PRX: variants seen among roughly 807,000 people sequenced by gnomAD.
The protein encoded by PRX is periaxin.
A neutral mutation model predicts 29.6 loss-of-function variants in PRX; 24 were observed. The ratio of observed to expected loss-of-function variants is 0.81; its 90% CI spans 0.59 to 1.14. The LOEUF is 1.14. Ranked by LOEUF, PRX falls within the 50% of genes most tolerant of loss-of-function variation. The pLI is 0.00. For synonymous variants in PRX, 772 were observed against 831.7 expected, an observed-to-expected ratio of 0.93 and a Z score of 1.24; for missense variants, 1,838 against 1,926.4, an observed-to-expected ratio of 0.95 and a Z score of 0.86.
At chr19:40,404,054 T>C (rs1187230696) in intron 4 of PRX, among the ~76,000 whole-genome samples, 192 bp from the exon 5 acceptor site, 1 of 152,138 alleles carries the variant, frequency 6.6e-6, no homozygotes, top group African/African-American at 2.4e-5. Flanking sequence ...TCCTCCCGCC[T>C]CGGCCTCCCA....
Position 40,397,478 on chromosome 19 carries a change from C to G in PRX, c.874G>C (p.Val292Leu). 1 of 1,569,184 alleles carries G rather than the reference C, an allele frequency of 6.4e-7. No individual in the cohort carries two copies. Among genetic ancestry groups the G allele is most frequent in the Non-Finnish European group, 8.6e-7 (1 of 1,159,218 alleles). The part of the protein sequence containing the change: ...AVEAPAVGIQ[V>L]PQVELPALPS... ...AAGGCAGGCAGCTCCACCTGGGGGA[C>G]CTGGATTCCCACGGCTGGGGCCTCC... Residue 292 changes from valine to leucine, a missense_variant, in exon 7 of 7, where the codon GTC becomes CTC. Physicochemically the swap from Val to Leu is conservative, Grantham distance 32 (BLOSUM62 1). This residue lies in a region of PRX where 666 missense variants were observed against 665.0 expected (regional missense o/e 1.00). Transcript: ENST00000324001.
rs2079413649 is a variant in PRX, at chr19:40,394,694, G to C, written c.3658C>G (p.Gln1220Glu). 6.2e-7 allele frequency: 1 copy of C among 1,610,908 alleles called. No homozygotes were observed. The highest frequency in any genetic ancestry group is 1.7e-5 in the Admixed American group (1 of 59,986). Residue 1220 changes from glutamine (Q) to glutamate (E), a missense_variant, in exon 7 of 7, where the codon CAG becomes GAG. Gln to Glu is a conservative substitution (Grantham distance 29, BLOSUM62 2). This residue lies in a region of PRX where 1,143 missense variants were observed against 1,193.0 expected (regional missense o/e 0.96). Coordinates refer to ENST00000324001, the MANE Select transcript of PRX (RefSeq NM_181882.3). The surrounding 1 kb of genome is among the most constrained non-coding windows in gnomAD (Gnocchi z 5.8). ...CTTAGCCCCACGTCCAGCTCAAGCT[G>C]GGGCACTGTCACGGTGGGCATCTTA... Reference protein sequence around the residue: ...VFKMPTVTVPQLELDVGLSRE... With the variant: ...VFKMPTVTVPELELDVGLSRE...
Position 40,396,962 on chromosome 19 carries a change from G to A in PRX, c.1390C>T (p.Arg464Ter), listed in dbSNP as rs574861276. The change falls in exon 7 of 7, where the codon CGA (arginine) becomes TGA (stop). Residue 464 changes from arginine (R) to a stop codon, truncating the protein, a stop_gained. Coordinates refer to ENST00000324001, the MANE Select transcript of PRX (RefSeq NM_181882.3). LOFTEE classifies it low-confidence loss of function (END_TRUNC). ...TTGGGGAGCTCCACCTCTGGGAGTC[G>A]AACCTCTGGAAGGGCTGCCTCGGGC... ...KVPEAALPEV[R>*]LPEVELPKVS... 3.7e-6 allele frequency: 6 copies of A among 1,614,114 alleles called. No homozygotes were observed. The highest frequency in any genetic ancestry group is 1.3e-5 in the African/African-American group (1 of 75,028).
chr19:40,406,745 A>T (rs1307288375), intron 4 of PRX, among the ~76,000 whole-genome samples: 1 of 150,966 alleles, frequency 6.6e-6, no homozygotes, highest in Non-Finnish European at 1.5e-5. Flanking sequence ...GGGAGTTCTC[A>T]GAGGTGGAGA....
chr19:40,400,311 C>T lies in PRX; in HGVS notation c.185-1495G>A, dbSNP rs1452196441. Among the ~76,000 whole-genome samples the T allele has an allele frequency of 1.0e-4, 15 of 146,132 alleles. No individual in the cohort carries two copies. In the East Asian group the frequency reaches 2.5e-3, roughly 25 times the overall value. On this transcript the variant is annotated intron_variant, in intron 5 of 6. Transcript: ENST00000324001. ...CTCTTTTTTTTTTAAGACAAGATCT[C>T]GCCAGGTGCGGTGGCTCATGCCTGT...
chr19:40,401,633 G>A (rs1372985745), intron 5 of PRX, among the ~76,000 whole-genome samples: 1 of 152,094 alleles, frequency 6.6e-6, no homozygotes, highest in Non-Finnish European at 1.5e-5. Context: ...CGTAGACACT[G>A]GCTTCCTCAC....
chr19:40,402,669 G>A (rs1287947786), intron 5 of PRX, among the ~76,000 whole-genome samples: 1 of 151,198 alleles, frequency 6.6e-6, no homozygotes, highest in African/African-American at 2.4e-5. Context: ...CAGCTACTAG[G>A]GAGGCTGAGG....
At chr19:40,405,620 G>C (rs1192158084) in intron 4 of PRX, among the ~76,000 whole-genome samples, 2 of 136,110 alleles carry the variant, frequency 1.5e-5, no homozygotes, top group East Asian at 2.5e-4. Flanking sequence ...TTTATGTGCA[G>C]AATCTCTTTT....
At position 40,408,225 on chromosome 19, in the gene PRX, G is replaced by C; in HGVS notation, c.-167C>G. ...CCGAGGTGCCGCACAGCTGTCTGCA[G>C]GGCTCACGCCCTTCCGTGGGGTTCT... On this transcript the variant is annotated 5_prime_UTR_variant, in exon 3 of 7. Transcript: ENST00000324001. The C allele has an allele frequency of 1.8e-6, 1 of 561,320 alleles. No individual in the cohort carries two copies. The highest frequency in any genetic ancestry group is 3.2e-6 in the Non-Finnish European group (1 of 310,780). The allele number at this position is 561,320 out of a possible 1,614,324, so 34.8% of individuals were successfully genotyped here. A position where few individuals can be genotyped will look rare whatever the true frequency, so the allele number is the denominator to read the frequency against.
At chr19:40,410,621 C>T (rs533194329) in intron 1 of PRX, among the ~76,000 whole-genome samples, 40 of 152,334 alleles carry the variant, frequency 2.6e-4, no homozygotes, top group African/African-American at 9.1e-4. Flanking sequence ...GCCTGTAATC[C>T]CAACACTTTA....
upstream of PRX, among the ~76,000 whole-genome samples, chr19:40,414,413 C>T (rs1387668002): frequency 6.6e-6 from 1 of 152,168 alleles, no homozygotes; most frequent in East Asian, 1.9e-4. Flanking sequence ...CGTGAGCCAC[C>T]GCGTCCAGCT....
In PRX at chr19:40,394,088, G is replaced by A. The variant is rs765667981; in HGVS notation, c.4264C>T (p.Arg1422Trp). The change falls in exon 7 of 7, where the codon CGG becomes TGG. Residue 1422 changes from arginine (R) to tryptophan (W), a missense_variant. Around this residue, in one of 3 missense-constraint regions of PRX, gnomAD observed 1,143 missense variants for 1,193.0 expected, o/e 0.96. Transcript: ENST00000324001. The surrounding 1 kb of genome is among the most constrained non-coding windows in gnomAD (Gnocchi z 5.8). ...TCTTCCTGGTCCCCACTCCCACTCCGGGCCTTGGGGCTTAGGGACACCCTG... is the reference window on the plus strand; with the variant it reads ...TCTTCCTGGTCCCCACTCCCACTCCAGGCCTTGGGGCTTAGGGACACCCTG... ...FPRVSLSPKA[R>W]SGSGDQEEGG... 1.7e-5 allele frequency: 28 copies of A among 1,610,816 alleles called. 1 individual carries two copies. The South Asian group carries it at 1.9e-4, about 11-fold the overall frequency.
At position 40,394,017 on chromosome 19, in the gene PRX, T is replaced by C. The variant is rs757627373; in HGVS notation, c.4335A>G (p.Thr1445=). The C allele has an allele frequency of 6.2e-7, 1 of 1,613,572 alleles. No individual in the cohort carries two copies. Among genetic ancestry groups the C allele is most frequent in the South Asian group, 1.1e-5 (1 of 91,066 alleles). The change falls in exon 7 of 7, where the codon ACA becomes ACG. Residue 1445 remains threonine (T), a synonymous_variant. Transcript: ENST00000324001. This position sits in a 1 kb window ranked among gnomAD's most constrained non-coding sequence, Gnocchi z 5.8. ...CCATCCTGGCCGGGCCTGGAGCCCC[T>C]GTCTCTGAAAACCCCACGCTGGGCA... ...VRLPSVGFSE[T]GAPGPARMEG... is the part of the protein sequence containing the mutation.
intron 4 of PRX, among the ~76,000 whole-genome samples, chr19:40,405,131 G>T (rs1184185982): frequency 6.6e-6 from 1 of 152,128 alleles, no homozygotes; most frequent in Middle Eastern, 3.2e-3. Context: ...AAGGGGGTCT[G>T]CGTGGGTAAT....
intron 4 of PRX, 35 bp from the exon 5 acceptor site, chr19:40,403,897 T>A (rs2079514290): frequency 2.5e-6 from 4 of 1,596,572 alleles, no homozygotes; most frequent in African/African-American, 1.3e-5. Flanking sequence ...GTTGGGGCTC[T>A]AGGGCCGGAC....
rs1237469942 is a variant in PRX at position 40,397,594 on chromosome 19, G to T, written c.758C>A (p.Ala253Asp). The change falls in exon 7 of 7, where the codon GCC becomes GAC. Residue 253 changes from alanine to aspartate, a missense_variant. Coordinates refer to ENST00000324001, the MANE Select transcript of PRX (RefSeq NM_181882.3). ...CTCTGCTGAGGGGGCAGCCTTGGGG[G>T]CTGAGACCTGGGGGACACCCACCTC... Reference protein sequence around the residue: ...GAEVGVPQVSAPKAAPSAEAA... With the variant: ...GAEVGVPQVSDPKAAPSAEAA... 1.9e-6 allele frequency: 3 copies of T among 1,541,690 alleles called. No individual in the cohort carries two copies. The highest frequency in any genetic ancestry group is 1.4e-5 in the African/African-American group (1 of 73,386).
chr19:40,398,616 G>C lies in PRX; in HGVS notation c.381+4C>G. On this transcript the variant is annotated splice_donor_region_variant and intron_variant, in intron 6 of 6. Transcript: ENST00000324001. This position sits in a 1 kb window ranked among gnomAD's most constrained non-coding sequence, Gnocchi z 6.3. ...AGGGCCGGGGCCGGGCTAAGCACGC[G>C]TACCAGCTTGGCCACCTTGGCCCGC... 6.2e-7 allele frequency: 1 copy of C among 1,613,270 alleles called. No homozygotes were observed. Among genetic ancestry groups the C allele is most frequent in the Non-Finnish European group, 8.5e-7 (1 of 1,179,798 alleles).
chr19:40,408,639 A>G (rs1233054875), intron 1 of PRX, among the ~76,000 whole-genome samples: 2 of 152,112 alleles, frequency 1.3e-5, no homozygotes, highest in Non-Finnish European at 2.9e-5. Context: ...ACTAAAAAAT[A>G]ATTGCTATTT....
chr19:40,396,977 C>T lies in PRX; in HGVS notation c.1375G>A (p.Ala459Thr). The change falls in exon 7 of 7, where the codon GCC becomes ACC. Residue 459 changes from alanine (A) to threonine (T), a missense_variant. Transcript: ENST00000324001. The stretch of plus-strand genomic sequence containing the variant: ...TCTGGGAGTCGAACCTCTGGAAGGG[C>T]TGCCTCGGGCACTTTTGGAAGCTTG... ...EVKLPKVPEA[A>T]LPEVRLPEVE... is the part of the protein sequence containing the mutation. The T allele has an allele frequency of 6.2e-7, 1 of 1,614,170 alleles. No individual in the cohort carries two copies. Among genetic ancestry groups the T allele is most frequent in the Non-Finnish European group, 8.5e-7 (1 of 1,180,028 alleles).
Sources: allele counts gnomAD v4.1 joint callset (sites outside exome capture counted in the v4.1 genomes callset), GRCh38; gene constraint gnomAD v4.1.1; regional missense constraint gnomAD v4.1.1; non-coding constraint Gnocchi (gnomAD v3.1); transcripts MANE v1.5; gene names NCBI Gene and HGNC (gene_info 2026-07-23, HGNC 2026-07-21).